The following SCARA5 variants were observed in gnomAD, a reference collection of about 807,000 sequenced individuals.
The protein encoded by SCARA5 is scavenger receptor class A member 5.
SCARA5 carries 45 observed loss-of-function variants against 46.3 expected under a neutral mutation model. The ratio of observed to expected loss-of-function variants is 0.97; its 90% CI spans 0.76 to 1.24. The LOEUF (loss-of-function observed/expected upper bound fraction) is 1.24, where lower values mean the gene tolerates loss of function less well. Ranked by LOEUF, SCARA5 falls within the 50% of genes most tolerant of loss-of-function variation. The probability of loss-of-function intolerance (pLI) is 0.00; values close to 1 mark genes in which losing one functional copy is unlikely to be tolerated. For missense variants in SCARA5, 680 were observed against 689.0 expected, an observed-to-expected ratio of 0.99 and a Z score of 0.15; for synonymous variants, 333 against 306.5, an observed-to-expected ratio of 1.09 and a Z score of -0.90.
At chr8:27,927,816 C>T (rs369428124) in intron 3 of SCARA5, among the ~76,000 whole-genome samples, 30 of 152,278 alleles carry the variant, frequency 2.0e-4, no homozygotes, top group Middle Eastern at 6.8e-3. Context: ...TTTACATTTA[C>T]ATTACAGATT....
At position 27,907,340 on chromosome 8, in the gene SCARA5, T is replaced by C. The variant is rs577119349; in HGVS notation, c.998-94A>G. 3 of 806,210 alleles carry C rather than the reference T, an allele frequency of 3.7e-6. No individual in the cohort carries two copies. The African/African-American group carries it at 5.2e-5, about 14-fold the overall frequency. 49.9% of individuals were successfully genotyped at this position (806,210 alleles called of 1,614,324 possible). ...CGGGTTCAAGGCTCAGCCTCCCCCA[T>C]GCATCCTCTCTTAGCCTCTGTGTCT... is the stretch of plus-strand genomic sequence containing the variant. On this transcript the variant is annotated intron_variant, in intron 5 of 8. Transcript: ENST00000354914.
intron 3 of SCARA5, among the ~76,000 whole-genome samples, chr8:27,959,338 G>C (rs983231463): frequency 6.6e-6 from 1 of 152,302 alleles, no homozygotes; most frequent in South Asian, 2.1e-4. Context: ...CCCCAGGAGT[G>C]GTGTCTAATT....
chr8:27,914,184 G>A (rs1168664218), intron 4 of SCARA5, among the ~76,000 whole-genome samples: 1 of 152,210 alleles, frequency 6.6e-6, no homozygotes, highest in African/African-American at 2.4e-5. Context: ...TGTAAGATGT[G>A]CCTTTGCTCC....
chr8:27,972,914 GA>G (rs1239007911), intron 2 of SCARA5, among the ~76,000 whole-genome samples: 1 of 152,098 alleles, frequency 6.6e-6, no homozygotes, highest in Non-Finnish European at 1.5e-5. Context: ...AAGTACCACT[GA>G]AAGAACCATG....
chr8:27,944,581 A>G (rs1399960953), intron 3 of SCARA5, among the ~76,000 whole-genome samples: 2 of 151,908 alleles, frequency 1.3e-5, no homozygotes, highest in African/African-American at 4.8e-5. Flanking sequence ...AAAAATTAAG[A>G]CCAGGCATGG....
intron 6 of SCARA5, among the ~76,000 whole-genome samples, chr8:27,905,523 T>TGGCGGGGGAGG (rs751627046): frequency 1.9e-5 from 1 of 53,638 alleles, no homozygotes; most frequent in Non-Finnish European, 5.1e-5. Context: ...ATCCAAGATT[T>TGGCGGGGGAGG]GGGGGGGGGA....
rs1806876026 is a variant in SCARA5 at position 27,885,231 on chromosome 8, C to T, written c.1154-5465G>A. Among the ~76,000 whole-genome samples, 3 of 152,054 alleles carry T rather than the reference C, an allele frequency of 2.0e-5. No homozygotes were observed. The South Asian group carries it at 6.2e-4, about 32-fold the overall frequency. On this transcript the variant is annotated intron_variant, in intron 7 of 8. Transcript: ENST00000354914. ...ATTTTGGACGAGTAGAGAAGGAAGGCCTTGAGTGGAGACCTGAATGAGCTG... is the reference window on the plus strand; with the variant it reads ...ATTTTGGACGAGTAGAGAAGGAAGGTCTTGAGTGGAGACCTGAATGAGCTG...
intron 3 of SCARA5, among the ~76,000 whole-genome samples, chr8:27,944,186 A>T (rs1023596686): frequency 6.6e-6 from 1 of 152,258 alleles, no homozygotes; most frequent in Non-Finnish European, 1.5e-5. Flanking sequence ...CATGAAAACC[A>T]CATGTATATT....
intron 3 of SCARA5, among the ~76,000 whole-genome samples, chr8:27,949,817 G>A (rs547170254): frequency 5.8e-4 from 89 of 152,344 alleles, no homozygotes; most frequent in Non-Finnish European, 1.2e-3. Context: ...CCAGGGACAT[G>A]GGTCTGGCTC....
intron 2 of SCARA5, among the ~76,000 whole-genome samples, chr8:27,971,206 G>A (rs1808442659): frequency 6.6e-6 from 1 of 152,246 alleles, no homozygotes; most frequent in African/African-American, 2.4e-5. Context: ...TTGCAATACA[G>A]GGAAGAATGA....
At chr8:27,917,496 C>G (rs762566053) in intron 4 of SCARA5, among the ~76,000 whole-genome samples, 1 of 152,186 alleles carries the variant, frequency 6.6e-6, no homozygotes, top group Non-Finnish European at 1.5e-5. Flanking sequence ...ACAGGGAACA[C>G]GCTTTCCTCT....
intron 3 of SCARA5, among the ~76,000 whole-genome samples, chr8:27,951,276 A>C (rs1016225654): frequency 2.6e-5 from 4 of 152,246 alleles, no homozygotes; most frequent in Non-Finnish European, 5.9e-5. Context: ...TGAGCAGGAC[A>C]AGAGCTGTGC....
chr8:27,908,321 C>T (rs1308137365), intron 5 of SCARA5, among the ~76,000 whole-genome samples: 2 of 151,804 alleles, frequency 1.3e-5, no homozygotes, highest in Non-Finnish European at 1.5e-5. Context: ...GGCCATGAGG[C>T]CCCTTGGCCA....
intron 2 of SCARA5, among the ~76,000 whole-genome samples, chr8:27,982,158 G>A (rs1416705713): frequency 6.6e-6 from 1 of 152,136 alleles, no homozygotes; most frequent in Non-Finnish European, 1.5e-5. Flanking sequence ...GGCCATGGAT[G>A]ACGCCACGAG....
At chr8:27,976,484 G>A (rs751796718) in intron 2 of SCARA5, among the ~76,000 whole-genome samples, 13 of 152,116 alleles carry the variant, frequency 8.5e-5, no homozygotes, top group Non-Finnish European at 1.6e-4. Context: ...TGGAAGCCAG[G>A]TCTCAGCTAG....
chr8:27,890,542 A>T (rs897462367), intron 7 of SCARA5, among the ~76,000 whole-genome samples: 2 of 152,194 alleles, frequency 1.3e-5, no homozygotes, highest in Non-Finnish European at 2.9e-5. Context: ...CAATGGGTAG[A>T]TGTGTGCGTG....
Position 27,871,336 on chromosome 8 carries a change from C to T in SCARA5, c.*598G>A. On this transcript the variant is annotated 3_prime_UTR_variant, in exon 9 of 9. Coordinates refer to ENST00000354914, the MANE Select transcript of SCARA5 (RefSeq NM_173833.6). ...GTTTCATTCCCTTCTCCAAATCTAG[C>T]TGGATTCCTGCAGGTGACTTGCATT... is the stretch of plus-strand genomic sequence containing the variant. 1.6e-6 allele frequency: 1 copy of T among 617,870 alleles called. No homozygotes were observed. Among genetic ancestry groups the T allele is most frequent in the Non-Finnish European group, 2.0e-6 (1 of 494,216 alleles). 38.3% of individuals were successfully genotyped at this position (617,870 alleles called of 1,614,324 possible).
chr8:27,870,217 T>G lies in SCARA5; in HGVS notation c.*1717A>C, dbSNP rs1806613106. 1 of 140,104 alleles carries G rather than the reference T, an allele frequency of 7.1e-6. No homozygotes were observed. The highest frequency in any genetic ancestry group is 2.2e-4 in the South Asian group (1 of 4,592). The allele number at this position is 140,104 out of a possible 1,614,324, so 8.7% of individuals were successfully genotyped here. A position where few individuals can be genotyped will look rare whatever the true frequency, so the allele number is the denominator to read the frequency against. On this transcript the variant is annotated 3_prime_UTR_variant, in exon 9 of 9. Coordinates refer to ENST00000354914, the MANE Select transcript of SCARA5 (RefSeq NM_173833.6). ...AATGTGGCATCTTTCACCTTTAGTTTTTTTTTTTTTTTTTTTTTAACTTAA... is the reference window on the plus strand; with the variant it reads ...AATGTGGCATCTTTCACCTTTAGTTGTTTTTTTTTTTTTTTTTTAACTTAA...
At position 27,871,869 on chromosome 8, in the gene SCARA5, GC is replaced by G; in HGVS notation, c.*64del. 2 of 1,608,378 alleles carry G rather than the reference GC, an allele frequency of 1.2e-6. No homozygotes were observed. Among genetic ancestry groups the G allele is most frequent in the Non-Finnish European group, 8.5e-7 (1 of 1,177,216 alleles). On this transcript the variant is annotated 3_prime_UTR_variant, in exon 9 of 9. Coordinates refer to ENST00000354914, the MANE Select transcript of SCARA5 (RefSeq NM_173833.6). ...CATGGTCAGGGTGGCCCCGAGCTGT[GC>G]CCCACCCCAGGGATGCAGGAAGGGT...
Sources: gnomAD v4.1 joint callset for allele counts (sites outside exome capture counted in the v4.1 genomes callset) on GRCh38, gnomAD v4.1.1 for gene constraint, MANE v1.5 for transcripts, NCBI Gene and HGNC (gene_info 2026-07-23, HGNC 2026-07-21) for gene names.